The following GLB1 variants were observed in gnomAD, a reference collection of about 807,000 sequenced individuals.
GLB1 encodes the protein galactosidase beta 1.
In GLB1, 56 loss-of-function variants were observed where a neutral mutation model predicts 74.0. That is an observed-to-expected ratio of 0.76 (90% CI 0.61 to 0.94). The LOEUF is 0.94. Ranked by LOEUF, GLB1 falls within the 40% of genes least tolerant of loss-of-function variation. GLB1 has a pLI of 0.00. For synonymous variants in GLB1, 323 were observed against 323.6 expected (o/e 1.00, Z 0.02); for missense variants, 787 against 845.5 (o/e 0.93, Z 0.86).
At chr3:32,975,365 G>T in the GLB1 span, among the ~76,000 whole-genome samples, 1 of 152,116 alleles carries the variant, frequency 6.6e-6, no homozygotes, top group South Asian at 2.1e-4. Context: ...GATTACAGGG[G>T]CATGAGGTAC....
At chr3:33,001,321 G>A (rs1281000532) in intron 15 of GLB1, among the ~76,000 whole-genome samples, 1 of 151,828 alleles carries the variant, frequency 6.6e-6, no homozygotes, top group East Asian at 1.9e-4. Flanking sequence ...GCCCTCAAGC[G>A]ATCCTCCTGC....
At chr3:33,009,198 G>A (rs1172924505) in intron 15 of GLB1, among the ~76,000 whole-genome samples, 1 of 151,664 alleles carries the variant, frequency 6.6e-6, no homozygotes, top group Non-Finnish European at 1.5e-5. Context: ...AGGAAGAACT[G>A]CAGCCTTAAT....
intron 15 of GLB1, among the ~76,000 whole-genome samples, chr3:33,006,276 G>A (rs1017780415): frequency 6.6e-6 from 1 of 152,226 alleles, no homozygotes; most frequent in Non-Finnish European, 1.5e-5. Flanking sequence ...CTGTCAGATC[G>A]GCAGCAGCAT....
intron 6 of GLB1, among the ~76,000 whole-genome samples, chr3:33,054,048 T>A (rs1699116362): frequency 6.6e-6 from 1 of 151,416 alleles, no homozygotes; most frequent in East Asian, 1.9e-4. Context: ...ATAATAATAA[T>A]AAATAAATAA....
intron 5 of GLB1, 94 bp downstream of exon 5, chr3:33,065,369 A>T: frequency 1.4e-6 from 2 of 1,471,008 alleles, no homozygotes; most frequent in Non-Finnish European, 1.9e-6. Context: ...AAACAGACCT[A>T]TGAGGCTCAT....
chr3:33,085,316 T>C (rs1284794646), intron 1 of GLB1, among the ~76,000 whole-genome samples: 1 of 128,298 alleles, frequency 7.8e-6, no homozygotes, highest in Non-Finnish European at 1.7e-5. Context: ...GAAACAAACA[T>C]AAAATCAAAC....
In GLB1 at chr3:33,023,896, C is replaced by T. The variant is rs909688965; in HGVS notation, c.1143+355G>A. 2.0e-5 allele frequency among the ~76,000 whole-genome samples: 3 copies of T among 152,130 alleles called. 1 individual carries two copies. The highest frequency in any genetic ancestry group is 2.9e-5 in the Non-Finnish European group (2 of 68,020). ...GGGGAACTCCTAAAAAAGGTAAATA[C>T]GACAAAGAGCCTTGGCAGCCATAAC... On this transcript the variant is annotated intron_variant, in intron 11 of 15. Transcript: ENST00000307363.
In GLB1 at chr3:33,006,456, G is replaced by A. The variant is rs553206932; in HGVS notation, c.1734+7600C>T. On this transcript the variant is annotated intron_variant, in intron 15 of 15. Transcript: ENST00000307363. ...TGACCACACAGTCCATGGAAACAGT[G>A]TCTTCCACGAAACTAGTCCCTGATA... Among the ~76,000 whole-genome samples, 5 of 152,090 alleles carry A rather than the reference G, an allele frequency of 3.3e-5. No homozygotes were observed. The East Asian group carries it at 9.7e-4, about 29-fold the overall frequency.
At chr3:33,079,272 T>C (rs1268638197) in intron 1 of GLB1, among the ~76,000 whole-genome samples, 3 of 152,214 alleles carry the variant, frequency 2.0e-5, no homozygotes, top group Non-Finnish European at 2.9e-5. Context: ...TTTTGGATTA[T>C]GCAGGTGTAG....
chr3:33,021,793 C>T, intron 11 of GLB1, 138 bp from the exon 12 acceptor site: 1 of 960,290 alleles, frequency 1.0e-6, no homozygotes, highest in South Asian at 1.4e-5. Context: ...AAATTCCACT[C>T]AGTATTGCTT....
At chr3:33,094,239 G>A (rs773765210) in intron 1 of GLB1, 1 of 1,535,566 alleles carries the variant, frequency 6.5e-7, no homozygotes, top group African/African-American at 1.4e-5. Flanking sequence ...CTGTGCTGGT[G>A]GACTCTGGAA....
Position 33,093,802 on chromosome 3 carries a change from GGAA to G in GLB1, c.75+3206_75+3208del, listed in dbSNP as rs750792052. On this transcript the variant is annotated intron_variant, in intron 1 of 15. Coordinates refer to ENST00000307363, the MANE Select transcript of GLB1 (RefSeq NM_000404.4). This position sits in a 1 kb window ranked among gnomAD's most constrained non-coding sequence, Gnocchi z 6.0. ...TGCTCCATGCCGCTGAGGATGAAGA[GGAA>G]GAAGAGCATGATGATGTAAGCACCC... is the stretch of plus-strand genomic sequence containing the variant. The G allele has an allele frequency of 2.5e-6, 4 of 1,613,548 alleles. No homozygotes were observed. The South Asian group carries it at 3.3e-5, about 13-fold the overall frequency.
chr3:33,040,491 A>G (rs190674613), intron 10 of GLB1, among the ~76,000 whole-genome samples: 1 of 152,216 alleles, frequency 6.6e-6, no homozygotes, highest in East Asian at 1.9e-4. Flanking sequence ...ACATGCCTGT[A>G]GTCCCAGCTC....
At chr3:33,077,213 G>T in intron 1 of GLB1, 1 of 1,528,800 alleles carries the variant, frequency 6.5e-7, no homozygotes, top group East Asian at 2.4e-5. Flanking sequence ...CGTGGCAGAT[G>T]AAAAGCCCAA....
At chr3:33,057,755 A>G (rs1292106989) in intron 6 of GLB1, among the ~76,000 whole-genome samples, 1 of 152,170 alleles carries the variant, frequency 6.6e-6, no homozygotes, top group East Asian at 1.9e-4. Context: ...CACAGCCTAA[A>G]AGGTGACTGC....
chr3:33,061,371 G>A (rs988039561), intron 5 of GLB1, among the ~76,000 whole-genome samples: 1 of 152,236 alleles, frequency 6.6e-6, no homozygotes, highest in South Asian at 2.1e-4. Flanking sequence ...CAGAGATTGC[G>A]CCACTGGATT....
chr3:32,971,064 C>T, the GLB1 span, among the ~76,000 whole-genome samples: 4 of 152,190 alleles, frequency 2.6e-5, no homozygotes, highest in African/African-American at 9.7e-5. Flanking sequence ...AACATCTGTA[C>T]GGAGAACCAC....
intron 4 of GLB1, among the ~76,000 whole-genome samples, chr3:33,067,401 C>T (rs1699727522): frequency 6.8e-6 from 1 of 146,754 alleles, no homozygotes; most frequent in Admixed American, 6.6e-5. Flanking sequence ...CAGGCTCAAG[C>T]AATCCTCCCA....
chr3:33,070,861 T>TAAATAA (rs1166824055), intron 2 of GLB1, among the ~76,000 whole-genome samples: 1 of 152,082 alleles, frequency 6.6e-6, no homozygotes, highest in African/African-American at 2.4e-5. Context: ...ATTGTTTTAA[T>TAAATAA]AAATAAAAAT....
Sources: allele counts gnomAD v4.1 joint callset (sites outside exome capture counted in the v4.1 genomes callset), GRCh38; gene constraint gnomAD v4.1.1; non-coding constraint Gnocchi (gnomAD v3.1); transcripts MANE v1.5; gene names NCBI Gene and HGNC (gene_info 2026-07-23, HGNC 2026-07-21).